PALM2AKAP2: variants seen among roughly 807,000 people sequenced by gnomAD.
The protein encoded by PALM2AKAP2 is PALM2 and AKAP2 fusion, also known as PALM2-AKAP2 fusion protein.
Under a neutral mutation model 71.5 loss-of-function variants are expected in PALM2AKAP2, and 37 were observed. That is an observed-to-expected ratio of 0.52 (90% confidence interval 0.40 to 0.68). PALM2AKAP2 has a LOEUF of 0.68. PALM2AKAP2 is among the 30% of genes least tolerant of loss of function. The pLI is 0.00. For synonymous variants in PALM2AKAP2, 468 were observed against 478.8 expected, an observed-to-expected ratio of 0.98 and a Z score of 0.29; for missense variants, 1,224 against 1,191.8, an observed-to-expected ratio of 1.03 and a Z score of -0.40.
chr9:109,702,018 A>G (rs927438595), intron 1 of PALM2AKAP2, among the ~76,000 whole-genome samples: 1 of 152,258 alleles, frequency 6.6e-6, no homozygotes, highest in Non-Finnish European at 1.5e-5. Context: ...CATCAGAGAA[A>G]TGCAAATCAA....
At chr9:109,719,608 A>C (rs1486121254) in intron 1 of PALM2AKAP2, among the ~76,000 whole-genome samples, 1 of 152,226 alleles carries the variant, frequency 6.6e-6, no homozygotes, top group Non-Finnish European at 1.5e-5. Context: ...TATTGTGATG[A>C]TGAAATGTAT....
At chr9:110,067,467 T>C (rs1834105989) in intron 1 of PALM2AKAP2, among the ~76,000 whole-genome samples, 1 of 152,222 alleles carries the variant, frequency 6.6e-6, no homozygotes, top group Non-Finnish European at 1.5e-5. Flanking sequence ...CAGGAGTTCA[T>C]TGACTTCAAG....
intron 1 of PALM2AKAP2, among the ~76,000 whole-genome samples, chr9:109,845,666 T>C (rs1004126498): frequency 7.2e-5 from 11 of 152,232 alleles, no homozygotes; most frequent in Non-Finnish European, 1.6e-4. Flanking sequence ...TCTCAGTCTT[T>C]GCTGGAAACA....
chr9:109,756,292 A>T (rs190464796), intron 1 of PALM2AKAP2, among the ~76,000 whole-genome samples: 2 of 152,306 alleles, frequency 1.3e-5, no homozygotes, highest in East Asian at 3.9e-4. Context: ...TGTGAAATGA[A>T]CATTTCTCTC....
At chr9:110,048,971 C>T in intron 1 of PALM2AKAP2, 2 of 1,333,342 alleles carry the variant, frequency 1.5e-6, no homozygotes, top group South Asian at 1.6e-5. Context: ...TCGGAAGCAC[C>T]GCGGGCTTTT....
chr9:110,079,808 G>A (rs1055217769), intron 1 of PALM2AKAP2, among the ~76,000 whole-genome samples: 3 of 152,008 alleles, frequency 2.0e-5, no homozygotes, highest in African/African-American at 7.3e-5. Flanking sequence ...GGTGGCTCAC[G>A]CCTGTAATCT....
intron 6 of PALM2AKAP2, among the ~76,000 whole-genome samples, chr9:109,962,360 T>G (rs941620229): frequency 6.6e-6 from 1 of 152,214 alleles, no homozygotes; most frequent in African/African-American, 2.4e-5. Flanking sequence ...GATCAGCAAC[T>G]ATGGCCTTTG....
intron 6 of PALM2AKAP2, chr9:109,945,103 A>G (rs1831473285): frequency 6.6e-6 from 1 of 152,068 alleles, no homozygotes; most frequent in Non-Finnish European, 1.5e-5. Flanking sequence ...TGCTAAATCT[A>G]TTGCTTTTTT....
intron 1 of PALM2AKAP2, among the ~76,000 whole-genome samples, chr9:109,646,040 A>T (rs1167479627): frequency 2.0e-5 from 3 of 152,246 alleles, no homozygotes; most frequent in Non-Finnish European, 4.4e-5. Flanking sequence ...TCTAGGTAAT[A>T]AACAAGAAAA....
At chr9:109,921,520 T>C (rs1036703190) in intron 3 of PALM2AKAP2, among the ~76,000 whole-genome samples, 5 of 152,224 alleles carry the variant, frequency 3.3e-5, no homozygotes, top group African/African-American at 9.6e-5. Flanking sequence ...CTCTAATATA[T>C]GGTAGACTTG....
At chr9:109,758,910 G>A (rs1316978766) in intron 1 of PALM2AKAP2, among the ~76,000 whole-genome samples, 1 of 152,020 alleles carries the variant, frequency 6.6e-6, no homozygotes. Context: ...GTGAGATAGT[G>A]CAGCTTTCAT....
At chr9:109,691,916 A>G (rs1827901482) in intron 1 of PALM2AKAP2, among the ~76,000 whole-genome samples, 1 of 124,164 alleles carries the variant, frequency 8.1e-6, no homozygotes, top group South Asian at 2.5e-4. Flanking sequence ...ACACACATAT[A>G]TATATATACA....
chr9:109,992,941 A>G (rs1163402885), intron 6 of PALM2AKAP2, among the ~76,000 whole-genome samples: 2 of 125,182 alleles, frequency 1.6e-5, no homozygotes, highest in South Asian at 2.5e-4. Flanking sequence ...ATATATATGT[A>G]TATATATATA....
intron 1 of PALM2AKAP2, among the ~76,000 whole-genome samples, chr9:109,677,219 G>A (rs1244902634): frequency 6.6e-6 from 1 of 152,136 alleles, no homozygotes; most frequent in Admixed American, 6.6e-5. Flanking sequence ...AACCTAGAGA[G>A]GAACAGGTAC....
At chr9:109,683,378 A>C (rs889103723) in intron 1 of PALM2AKAP2, among the ~76,000 whole-genome samples, 1 of 152,306 alleles carries the variant, frequency 6.6e-6, no homozygotes, top group African/African-American at 2.4e-5. Flanking sequence ...GATTTGAGAC[A>C]CATGAGAGAA....
At chr9:109,793,568 C>T (rs1827173079) in intron 1 of PALM2AKAP2, among the ~76,000 whole-genome samples, 2 of 152,094 alleles carry the variant, frequency 1.3e-5, no homozygotes, top group Non-Finnish European at 2.9e-5. Context: ...TTCCATTTTA[C>T]TAGTGTGATT....
In PALM2AKAP2 at chr9:109,937,570, C is replaced by T. The variant is rs10980118; in HGVS notation, c.496+5542C>T. On this transcript the variant is annotated intron_variant, in intron 6 of 9. Coordinates refer to the PALM2AKAP2 transcript ENST00000302798. ...AAAACAGCATATTACTCAGCTGTCTCGCTGGCTTCTTGGAAGGAGTAGCAA... is the reference window on the plus strand; with the variant it reads ...AAAACAGCATATTACTCAGCTGTCTTGCTGGCTTCTTGGAAGGAGTAGCAA... Among the ~76,000 whole-genome samples the T allele has an allele frequency of 1.9e-3, 285 of 152,262 alleles. 12 individuals are homozygous for T. The East Asian group carries it at 0.05, about 27-fold the overall frequency.
At chr9:110,008,616 C>T (rs74917753) in intron 6 of PALM2AKAP2, among the ~76,000 whole-genome samples, 1,553 of 152,082 alleles carry the variant, frequency 0.01, 26 homozygotes, top group African/African-American at 0.036. Context: ...CTCCTTCTTC[C>T]CATGAGGCTG....
intron 1 of PALM2AKAP2, among the ~76,000 whole-genome samples, chr9:109,717,694 A>T (rs540929136): frequency 6.6e-6 from 1 of 152,392 alleles, no homozygotes; most frequent in African/African-American, 2.4e-5. Flanking sequence ...TCACAAGCCC[A>T]GCAGGAGCCT....
Sources: gnomAD v4.1 joint callset for allele counts (sites outside exome capture counted in the v4.1 genomes callset) on GRCh38, gnomAD v4.1.1 for gene constraint, MANE v1.5 for transcripts, NCBI Gene and HGNC (gene_info 2026-07-23, HGNC 2026-07-21) for gene names.